Variants in TMEM232 observed in about 807,000 individuals in gnomAD.
The protein encoded by TMEM232 is transmembrane protein 232.
Under a neutral mutation model 78.8 loss-of-function variants are expected in TMEM232, and 80 were observed. That is an observed-to-expected ratio of 1.01 (90% confidence interval 0.85 to 1.22). The LOEUF is 1.22. TMEM232 is among the 50% of genes most tolerant of loss of function. TMEM232 has a pLI of 0.00. For missense variants in TMEM232, 881 were observed against 742.2 expected, an observed-to-expected ratio of 1.19 and a Z score of -2.17; for synonymous variants, 297 against 254.3, an observed-to-expected ratio of 1.17 and a Z score of -1.60.
chr5:110,728,713 C>CTT (rs1798387576), upstream of TMEM232, among the ~76,000 whole-genome samples: 1 of 146,750 alleles, frequency 6.8e-6, no homozygotes, highest in Non-Finnish European at 1.5e-5. Flanking sequence ...TATATATATA[C>CTT]CTATATATAT....
chr5:110,575,013 A>T (rs1354134077), intron 10 of TMEM232, among the ~76,000 whole-genome samples: 2 of 152,018 alleles, frequency 1.3e-5, no homozygotes. Flanking sequence ...AAGAGAGGGT[A>T]GTCATGAGGA....
chr5:110,603,843 G>T (rs1283613897), intron 10 of TMEM232, among the ~76,000 whole-genome samples: 1 of 152,008 alleles, frequency 6.6e-6, no homozygotes, highest in Non-Finnish European at 1.5e-5. Context: ...TATATTGAAG[G>T]CAATTTAAAA....
chr5:110,639,097 G>A (rs1052822513), intron 4 of TMEM232, among the ~76,000 whole-genome samples: 3 of 152,264 alleles, frequency 2.0e-5, no homozygotes, highest in East Asian at 1.9e-4. Context: ...ATGCTCAAGG[G>A]ACAGGAAGGA....
intron 1 of TMEM232, among the ~76,000 whole-genome samples, chr5:110,696,885 T>C (rs1034097799): frequency 7.2e-5 from 11 of 152,228 alleles, no homozygotes; most frequent in African/African-American, 9.6e-5. Context: ...AGGTAATTTA[T>C]AGATTCAATG....
At chr5:110,520,805 C>A (rs769613521) in intron 12 of TMEM232, among the ~76,000 whole-genome samples, 2 of 152,130 alleles carry the variant, frequency 1.3e-5, no homozygotes, top group Non-Finnish European at 2.9e-5. Context: ...ATAATCCCAG[C>A]TGCTCAGGAG....
At chr5:110,526,582 C>G (rs779665948) in intron 12 of TMEM232, among the ~76,000 whole-genome samples, 37 of 151,916 alleles carry the variant, frequency 2.4e-4, no homozygotes, top group Admixed American at 5.9e-4. Context: ...TAAAGAAAAA[C>G]AGGCACTCAT....
At chr5:110,600,765 T>A (rs574190451) in intron 10 of TMEM232, among the ~76,000 whole-genome samples, 52 of 152,268 alleles carry the variant, frequency 3.4e-4, no homozygotes, top group Non-Finnish European at 5.9e-4. Context: ...CTTCTGAAAC[T>A]ATTCCAAACA....
At chr5:110,394,710 T>C (rs1387852088) in intron 3 of TMEM232, among the ~76,000 whole-genome samples, 1 of 152,214 alleles carries the variant, frequency 6.6e-6, no homozygotes, top group Non-Finnish European at 1.5e-5. Context: ...TTCAGGAGCA[T>C]ATTGTTTAAT....
At chr5:110,673,858 T>C (rs182652457) in intron 1 of TMEM232, among the ~76,000 whole-genome samples, 91 of 152,296 alleles carry the variant, frequency 6.0e-4, no homozygotes, top group Admixed American at 1.5e-3. Flanking sequence ...TTAATTCAGA[T>C]TGTATACTTT....
At chr5:110,659,577 A>G (rs1366069973) in intron 2 of TMEM232, among the ~76,000 whole-genome samples, 1 of 152,136 alleles carries the variant, frequency 6.6e-6, no homozygotes, top group Non-Finnish European at 1.5e-5. Flanking sequence ...GACAAGATAC[A>G]AGGGAAAATA....
chr5:110,536,412 C>G (rs1772364474), intron 11 of TMEM232, among the ~76,000 whole-genome samples: 1 of 152,220 alleles, frequency 6.6e-6, no homozygotes, highest in East Asian at 1.9e-4. Context: ...AGCTGCCTTG[C>G]CTGGAAGGAG....
At chr5:110,411,614 T>C (rs767731070) in intron 2 of TMEM232, among the ~76,000 whole-genome samples, 7 of 152,150 alleles carry the variant, frequency 4.6e-5, no homozygotes, top group African/African-American at 1.7e-4. Context: ...TACCTCCCCA[T>C]CTCCTGAAAC....
At chr5:110,550,424 AATAAG>A (rs1284876033) in intron 11 of TMEM232, among the ~76,000 whole-genome samples, 1 of 152,128 alleles carries the variant, frequency 6.6e-6, no homozygotes, top group Non-Finnish European at 1.5e-5. Context: ...TAAACAGTAA[AATAAG>A]ATAAGAAAAT....
chr5:110,602,516 T>C (rs925691757), intron 10 of TMEM232, among the ~76,000 whole-genome samples: 18 of 151,930 alleles, frequency 1.2e-4, no homozygotes, highest in African/African-American at 4.3e-4. Context: ...AAAACATTTA[T>C]GTGGCCAAAA....
At chr5:110,657,539 T>C (rs1013838627) in intron 2 of TMEM232, among the ~76,000 whole-genome samples, 2 of 152,110 alleles carry the variant, frequency 1.3e-5, no homozygotes, top group African/African-American at 4.8e-5. Context: ...TGTGGAATCT[T>C]AAAAAGCTTA....
intron 1 of TMEM232, among the ~76,000 whole-genome samples, chr5:110,687,505 C>T (rs1793562540): frequency 6.6e-6 from 1 of 152,102 alleles, no homozygotes; most frequent in African/African-American, 2.4e-5. Context: ...CTTTCAGACC[C>T]TTTAATTTCA....
chr5:110,568,421 A>G (rs1384488593), intron 11 of TMEM232, 26 bp downstream of exon 11: 6 of 1,505,190 alleles, frequency 4.0e-6, no homozygotes, highest in Non-Finnish European at 4.4e-6. Context: ...AGATGTACAT[A>G]TTTATTGCCC....
At chr5:110,532,206 A>C (rs1308837565) in intron 11 of TMEM232, among the ~76,000 whole-genome samples, 1 of 151,896 alleles carries the variant, frequency 6.6e-6, no homozygotes, top group East Asian at 1.9e-4. Flanking sequence ...CCCACTAGAA[A>C]TCGGACTGTT....
intron 1 of TMEM232, among the ~76,000 whole-genome samples, chr5:110,673,676 C>G (rs1791656691): frequency 6.6e-6 from 1 of 152,122 alleles, no homozygotes; most frequent in African/African-American, 2.4e-5. Flanking sequence ...ATTTGGCTCA[C>G]TGTTGATTGC....
Sources: allele counts gnomAD v4.1 joint callset (sites outside exome capture counted in the v4.1 genomes callset), GRCh38; gene constraint gnomAD v4.1.1; transcripts MANE v1.5; gene names NCBI Gene and HGNC (gene_info 2026-07-23, HGNC 2026-07-21).